The following DEF6 variants were observed in gnomAD, a reference collection of about 807,000 sequenced individuals.
The protein encoded by DEF6 is DEF6 guanine nucleotide exchange factor, also known as differentially expressed in FDCP 6 homolog.
DEF6 carries 32 observed loss-of-function variants against 80.5 expected under a neutral mutation model. The ratio of observed to expected loss-of-function variants is 0.40; its 90% CI spans 0.30 to 0.53. DEF6 has a LOEUF of 0.53. Among genes scored for constraint, DEF6 ranks in the 20% least tolerant of loss-of-function variants. The pLI is 0.57. For missense variants in DEF6, 575 were observed against 818.7 expected (o/e 0.70, Z 3.63); for synonymous variants, 300 against 337.9 (o/e 0.89, Z 1.23).
Position 35,318,070 on chromosome 6 carries a change from T to G in DEF6, c.916+71T>G, listed in dbSNP as rs1791543460. On this transcript the variant is annotated intron_variant, in intron 6 of 10. Coordinates refer to ENST00000316637, the MANE Select transcript of DEF6 (RefSeq NM_022047.4). The surrounding 1 kb of genome is among the most constrained non-coding windows in gnomAD (Gnocchi z 5.1). ...CTCATCTGTGAAAAGGGGGTGATAA[T>G]ACTTTGTCCAGCGGGAGGTTGGAGA... 1.3e-6 allele frequency: 2 copies of G among 1,556,094 alleles called. No individual in the cohort carries two copies. Among genetic ancestry groups the G allele is most frequent in the South Asian group, 2.3e-5 (2 of 85,708 alleles).
intron 3 of DEF6, among the ~76,000 whole-genome samples, chr6:35,311,400 T>G (rs1791465325): frequency 6.6e-6 from 1 of 152,076 alleles, no homozygotes; most frequent in African/African-American, 2.4e-5. Context: ...TCCACTCACA[T>G]TTGTCCTGGC....
intron 1 of DEF6, among the ~76,000 whole-genome samples, chr6:35,299,947 G>A: frequency 6.6e-6 from 1 of 152,162 alleles, no homozygotes; most frequent in Non-Finnish European, 1.5e-5. Context: ...GCAGACGAGA[G>A]AGTTATACAA....
At chr6:35,317,767 G>C (rs1393388734) in intron 5 of DEF6, 124 bp from the exon 6 acceptor site, 6 of 724,178 alleles carry the variant, frequency 8.3e-6, no homozygotes, top group Non-Finnish European at 1.3e-5. Flanking sequence ...CAGGCTCCTG[G>C]CAGAGTGGGG....
At chr6:35,306,242 G>A (rs2150385804) in intron 1 of DEF6, among the ~76,000 whole-genome samples, 1 of 151,242 alleles carries the variant, frequency 6.6e-6, no homozygotes, top group East Asian at 2.0e-4. Context: ...CGGGCGCGGT[G>A]GCTCATGCCT....
At chr6:35,308,707 TAAAATAAAATAAAA>T (rs1791423839) in intron 1 of DEF6, among the ~76,000 whole-genome samples, 1 of 141,500 alleles carries the variant, frequency 7.1e-6, no homozygotes, top group Non-Finnish European at 1.5e-5. Flanking sequence ...TAAAATAAAA[TAAAATAAAATAAAA>T]TAAAATAAAT....
At chr6:35,310,778 T>A in intron 3 of DEF6, 134 bp downstream of exon 3, 1 of 949,324 alleles carries the variant, frequency 1.1e-6, no homozygotes, top group Non-Finnish European at 1.6e-6. Flanking sequence ...TGCTGGTATC[T>A]GTCCTCACCC....
intron 1 of DEF6, among the ~76,000 whole-genome samples, chr6:35,303,324 G>A (rs967924294): frequency 1.3e-5 from 2 of 152,110 alleles, no homozygotes; most frequent in East Asian, 1.9e-4. Flanking sequence ...CCTGGGTCGG[G>A]GAGGGCATTC....
intron 1 of DEF6, among the ~76,000 whole-genome samples, chr6:35,303,767 C>G (rs754791817): frequency 1.3e-5 from 2 of 152,090 alleles, no homozygotes; most frequent in Non-Finnish European, 2.9e-5. Flanking sequence ...GAGGCTGAGG[C>G]GGGTGGATCG....
At chr6:35,299,813 G>A (rs1035031582) in intron 1 of DEF6, among the ~76,000 whole-genome samples, 26 of 152,112 alleles carry the variant, frequency 1.7e-4, no homozygotes, top group African/African-American at 5.3e-4. Context: ...CGGAAATGGC[G>A]GGGCTCCTTT....
rs752905282 is a variant in DEF6 at position 35,312,466 on chromosome 6, C to A, written c.588C>A (p.Gly196=). Residue 196 remains glycine (G), a synonymous_variant, in exon 4 of 11, where the codon GGC becomes GGA. Coordinates refer to ENST00000316637, the MANE Select transcript of DEF6 (RefSeq NM_022047.4). The surrounding 1 kb of genome is among the most constrained non-coding windows in gnomAD (Gnocchi z 6.6). ...TCAATTCGGGCCGCTGCCTGCGGGG[C>A]GTGGGCCGGGACACCCTCAGCATGG... ...ELFNSGRCLR[G]VGRDTLSMAI... 1 of 1,614,136 alleles carries A rather than the reference C, an allele frequency of 6.2e-7. No homozygotes were observed. Among genetic ancestry groups the A allele is most frequent in the East Asian group, 2.2e-5 (1 of 44,872 alleles).
Position 35,297,972 on chromosome 6 carries a change from CG to C in DEF6, c.96+25del, listed in dbSNP as rs763038478. The C allele has an allele frequency of 3.8e-6, 6 of 1,569,952 alleles. No homozygotes were observed. The Admixed American group carries it at 7.5e-5, about 20-fold the overall frequency. On this transcript the variant is annotated intron_variant, in intron 1 of 10. Transcript: ENST00000316637. Reference sequence around the variant, plus strand: ...CTCAAGGTGAGGGGCACCCGGGACCCGGGGGAGGACGGCAGATGCACCACAC... The same window carrying C: ...CTCAAGGTGAGGGGCACCCGGGACCCGGGGAGGACGGCAGATGCACCACAC...
intron 1 of DEF6, among the ~76,000 whole-genome samples, chr6:35,308,304 G>A (rs1324724891): frequency 6.6e-6 from 1 of 151,914 alleles, no homozygotes; most frequent in African/African-American, 2.4e-5. Flanking sequence ...GTCCAGATGT[G>A]AGGATCACTT....
At position 35,312,596 on chromosome 6, in the gene DEF6, G is replaced by A; in HGVS notation, c.661-30G>A. The A allele has an allele frequency of 6.2e-7, 1 of 1,614,196 alleles. No individual in the cohort carries two copies. Among genetic ancestry groups the A allele is most frequent in the Non-Finnish European group, 8.5e-7 (1 of 1,180,014 alleles). ...AAGGTGCAGGGCGAAGGGGGGCCTG[G>A]GAAGCCTCTGACGTAACTCCGGCTG... On this transcript the variant is annotated intron_variant, in intron 4 of 10. Transcript: ENST00000316637. This position sits in a 1 kb window ranked among gnomAD's most constrained non-coding sequence, Gnocchi z 6.6.
Position 35,318,081 on chromosome 6 carries a change from G to T in DEF6, c.916+82G>T. ...AAAGGGGGTGATAATACTTTGTCCA[G>T]CGGGAGGTTGGAGAGTGGACTCGGG... is the stretch of plus-strand genomic sequence containing the variant. On this transcript the variant is annotated intron_variant, in intron 6 of 10. Coordinates refer to ENST00000316637, the MANE Select transcript of DEF6 (RefSeq NM_022047.4). The surrounding 1 kb of genome is among the most constrained non-coding windows in gnomAD (Gnocchi z 5.1). The T allele has an allele frequency of 6.5e-7, 1 of 1,547,556 alleles. No individual in the cohort carries two copies. Among genetic ancestry groups the T allele is most frequent in the South Asian group, 1.2e-5 (1 of 83,712 alleles).
At chr6:35,298,655 A>G (rs1006289200) in intron 1 of DEF6, among the ~76,000 whole-genome samples, 2 of 152,144 alleles carry the variant, frequency 1.3e-5, no homozygotes, top group Non-Finnish European at 2.9e-5. Context: ...TGGCCTAGAC[A>G]ATTTCTGGGA....
chr6:35,305,172 G>T (rs1046017546), intron 1 of DEF6, among the ~76,000 whole-genome samples: 1 of 149,470 alleles, frequency 6.7e-6, no homozygotes, highest in Admixed American at 6.6e-5. Flanking sequence ...TCCAGACAGG[G>T]TCTGGATCTG....
At chr6:35,303,990 G>GGC (rs1296851570) in intron 1 of DEF6, among the ~76,000 whole-genome samples, 4 of 152,106 alleles carry the variant, frequency 2.6e-5, no homozygotes, top group African/African-American at 9.7e-5. Context: ...AAATTAGCTG[G>GGC]ATGTTGGTGG....
rs569948554 is a variant in DEF6, at chr6:35,302,866, G to A, written c.96+4914G>A. The stretch of plus-strand genomic sequence containing the variant: ...TAGAGATCAAGAGCAGGGCTTTGGA[G>A]TCAGACCTTGGGCAAGACGCTTCCT... On this transcript the variant is annotated intron_variant, in intron 1 of 10. Coordinates refer to ENST00000316637, the MANE Select transcript of DEF6 (RefSeq NM_022047.4). Among the ~76,000 whole-genome samples, 18 of 152,318 alleles carry A rather than the reference G, an allele frequency of 1.2e-4. No homozygotes were observed. The East Asian group carries it at 1.5e-3, about 13-fold the overall frequency.
intron 1 of DEF6, among the ~76,000 whole-genome samples, chr6:35,303,457 T>C (rs1403612072): frequency 2.0e-5 from 3 of 152,198 alleles, no homozygotes; most frequent in African/African-American, 7.2e-5. Context: ...CTTCTTCCCA[T>C]GAAGTGTTTA....
Sources: gnomAD v4.1 joint callset for allele counts (sites outside exome capture counted in the v4.1 genomes callset) on GRCh38, gnomAD v4.1.1 for gene constraint, Gnocchi (gnomAD v3.1) non-coding constraint, MANE v1.5 for transcripts, NCBI Gene and HGNC (gene_info 2026-07-23, HGNC 2026-07-21) for gene names.